Variants in RBFOX1 observed in about 807,000 individuals in gnomAD.
RBFOX1 encodes RNA binding protein fox-1 homolog 1.
RBFOX1 carries 8 observed loss-of-function variants against 57.7 expected under a neutral mutation model. The ratio of observed to expected loss-of-function variants is 0.14; its 90% CI spans 0.08 to 0.25. RBFOX1 has a LOEUF of 0.25. RBFOX1 is among the 10% of genes least tolerant of loss of function. The pLI is 1.00. For missense variants in RBFOX1, 611 were observed against 548.5 expected (o/e 1.11, Z -1.14); for synonymous variants, 326 against 222.4 (o/e 1.47, Z -4.15).
chr16:5,795,438 G>T (rs1224610896), intron 3 of RBFOX1, among the ~76,000 whole-genome samples: 1 of 152,074 alleles, frequency 6.6e-6, no homozygotes, highest in Non-Finnish European at 1.5e-5. Context: ...CGAGTAGTGG[G>T]ACCACAGGCA....
intron 3 of RBFOX1, among the ~76,000 whole-genome samples, chr16:7,019,355 C>G (rs1352677238): frequency 6.6e-6 from 1 of 151,936 alleles, no homozygotes; most frequent in East Asian, 1.9e-4. Context: ...GGAGTAAGAC[C>G]TTTTAGCTGA....
intron 1 of RBFOX1, among the ~76,000 whole-genome samples, chr16:5,435,829 T>C (rs575798315): frequency 9.8e-5 from 15 of 152,380 alleles, no homozygotes; most frequent in African/African-American, 3.6e-4. Context: ...TGTGGATAAC[T>C]GTGCATAATC....
intron 4 of RBFOX1, among the ~76,000 whole-genome samples, chr16:7,482,861 G>A (rs2064353321): frequency 6.6e-6 from 1 of 152,106 alleles, no homozygotes; most frequent in South Asian, 2.1e-4. Flanking sequence ...CAGGAGATGG[G>A]CTTAGATGTT....
chr16:7,160,206 T>A (rs1037012835), intron 4 of RBFOX1, among the ~76,000 whole-genome samples: 4 of 152,078 alleles, frequency 2.6e-5, no homozygotes, highest in Admixed American at 6.6e-5. Context: ...TTTTTTTTTT[T>A]AATAAAGTAC....
At chr16:7,292,081 G>A (rs928153147) in intron 4 of RBFOX1, among the ~76,000 whole-genome samples, 81 of 73,734 alleles carry the variant, frequency 1.1e-3, no homozygotes, top group African/African-American at 3.9e-3. Context: ...TAGAATATAT[G>A]ATGTATAATA....
At chr16:7,045,490 G>C (rs2047598028) in intron 3 of RBFOX1, among the ~76,000 whole-genome samples, 1 of 152,056 alleles carries the variant, frequency 6.6e-6, no homozygotes, top group Admixed American at 6.6e-5. Context: ...ATTTTGCATT[G>C]TCTGCAATAG....
At chr16:5,925,082 C>T (rs567804554) in intron 4 of RBFOX1, among the ~76,000 whole-genome samples, 4 of 152,200 alleles carry the variant, frequency 2.6e-5, no homozygotes, top group South Asian at 2.1e-4. Flanking sequence ...CCCACCCTCC[C>T]TGTTTCCACA....
In RBFOX1 at chr16:7,709,148, C is replaced by G. The variant is rs372098682; in HGVS notation, c.1071+17C>G. On this transcript the variant is annotated intron_variant, in intron 15 of 15. Transcript: ENST00000550418. ...GGTGCCATGGTGAGTACAAGTTTCT[C>G]CTTGTCCTCACTTCCTCCTGCCTCC... The G allele has an allele frequency of 2.5e-6, 4 of 1,595,222 alleles. No homozygotes were observed. Among genetic ancestry groups the G allele is most frequent in the Non-Finnish European group, 3.4e-6 (4 of 1,163,838 alleles).
At chr16:6,361,009 G>C (rs549200129) in intron 2 of RBFOX1, among the ~76,000 whole-genome samples, 1 of 151,826 alleles carries the variant, frequency 6.6e-6, no homozygotes, top group East Asian at 1.9e-4. Context: ...CATTTGAAGA[G>C]ACTCTGAAAT....
intron 5 of RBFOX1, among the ~76,000 whole-genome samples, chr16:7,570,163 C>T (rs1602104196): frequency 2.1e-5 from 3 of 142,372 alleles, no homozygotes; most frequent in South Asian, 2.2e-4. Context: ...TAAAATTTTA[C>T]TTTTTTTTTT....
At chr16:7,089,061 G>T (rs1270933980) in intron 4 of RBFOX1, among the ~76,000 whole-genome samples, 1 of 152,136 alleles carries the variant, frequency 6.6e-6, no homozygotes, top group African/African-American at 2.4e-5. Flanking sequence ...GCCCCTCAGT[G>T]AGCCTTGTCA....
At chr16:7,561,227 A>C (rs1213890365) in intron 5 of RBFOX1, among the ~76,000 whole-genome samples, 3 of 152,190 alleles carry the variant, frequency 2.0e-5, no homozygotes, top group Non-Finnish European at 2.9e-5. Context: ...AGTTTTATCA[A>C]AACACAGCCA....
intron 4 of RBFOX1, among the ~76,000 whole-genome samples, chr16:5,871,082 G>T (rs2057458570): frequency 6.6e-6 from 1 of 152,134 alleles, no homozygotes; most frequent in Admixed American, 6.5e-5. Context: ...ATGACAGCAA[G>T]CTGTTTGTGC....
rs570448899 is a variant in RBFOX1 at position 5,510,543 on chromosome 16, G to A, written c.258+43289G>A. Among the ~76,000 whole-genome samples, 241 of 152,254 alleles carry A rather than the reference G, an allele frequency of 1.6e-3. 1 individual carries two copies. The highest frequency in any genetic ancestry group is 3.1e-3 in the Non-Finnish European group (209 of 68,010). ...TCGCGTGGCTGAGTCCAGGCTCACC[G>A]GGCAGGGAAGAGCACCCTTCCTGGA... On this transcript the variant is annotated intron_variant, in intron 2 of 2. Transcript: ENST00000585867.
chr16:5,483,178 C>T (rs1036636135), intron 2 of RBFOX1, among the ~76,000 whole-genome samples: 1 of 152,144 alleles, frequency 6.6e-6, no homozygotes, highest in African/African-American at 2.4e-5. Context: ...CCTCGGAGTC[C>T]AGAGTCCTTG....
chr16:6,265,201 G>A (rs922510722), intron 1 of RBFOX1, among the ~76,000 whole-genome samples: 1 of 152,080 alleles, frequency 6.6e-6, no homozygotes, highest in Non-Finnish European at 1.5e-5. Flanking sequence ...TGTTTGTCTG[G>A]TTACCCTCGG....
chr16:7,283,421 G>A (rs1404765834), intron 4 of RBFOX1, among the ~76,000 whole-genome samples: 2 of 151,952 alleles, frequency 1.3e-5, no homozygotes, highest in Non-Finnish European at 2.9e-5. Flanking sequence ...AAAGATTTAG[G>A]GGAGCTCACT....
At position 7,434,472 on chromosome 16, in the gene RBFOX1, G is replaced by A. The variant is rs150792207; in HGVS notation, c.28-83675G>A. The stretch of plus-strand genomic sequence containing the variant: ...GGGCGACAGAGCAAGACTCTGTCTC[G>A]TTAAAATAAATAAATAAATAAAAAT... On this transcript the variant is annotated intron_variant, in intron 4 of 15. Transcript: ENST00000550418. Among the ~76,000 whole-genome samples, 1,416 of 150,730 alleles carry A rather than the reference G, an allele frequency of 9.4e-3. 23 individuals are homozygous for A. The highest frequency in any genetic ancestry group is 0.032 in the African/African-American group (1,332 of 41,198).
intron 9 of RBFOX1, among the ~76,000 whole-genome samples, chr16:7,603,964 T>G (rs1277731291): frequency 2.6e-5 from 4 of 152,104 alleles, no homozygotes; most frequent in African/African-American, 9.7e-5. Flanking sequence ...ATTAGGGCAT[T>G]TCTGCTGTTG....
Sources: allele counts gnomAD v4.1 joint callset (sites outside exome capture counted in the v4.1 genomes callset), GRCh38; gene constraint gnomAD v4.1.1; transcripts MANE v1.5; gene names NCBI Gene and HGNC (gene_info 2026-07-23, HGNC 2026-07-21).